Variants in AHNAK observed in about 807,000 individuals in gnomAD.
AHNAK encodes AHNAK nucleoprotein.
Under a neutral mutation model 37.8 loss-of-function variants are expected in AHNAK, and 23 were observed. That is an observed-to-expected ratio of 0.61 (90% CI 0.44 to 0.86). The LOEUF (loss-of-function observed/expected upper bound fraction) is 0.86, where lower values mean the gene tolerates loss of function less well. Ranked by LOEUF, AHNAK falls within the 40% of genes least tolerant of loss-of-function variation. AHNAK has a pLI of 0.00. For missense variants in AHNAK, 7,411 were observed against 7,319.4 expected, an observed-to-expected ratio of 1.01 and a Z score of -0.46; for synonymous variants, 2,481 against 2,636.3, an observed-to-expected ratio of 0.94 and a Z score of 1.80.
At chr11:62,538,279 T>A (rs1941016566) in intron 1 of AHNAK, among the ~76,000 whole-genome samples, 1 of 152,076 alleles carries the variant, frequency 6.6e-6, no homozygotes, top group African/African-American at 2.4e-5. Context: ...CCACAGTGAG[T>A]TCAGGCCTCC....
chr11:62,441,001 T>A (rs1938294727), intron 5 of AHNAK, among the ~76,000 whole-genome samples: 3 of 150,996 alleles, frequency 2.0e-5, no homozygotes, highest in Admixed American at 2.0e-4. Flanking sequence ...CCCGTCTGTA[T>A]AATTTTTTTT....
At chr11:62,462,280 G>T (rs1938808483) in intron 5 of AHNAK, among the ~76,000 whole-genome samples, 1 of 146,320 alleles carries the variant, frequency 6.8e-6, no homozygotes, top group Non-Finnish European at 1.5e-5. Context: ...TCAACTCTCT[G>T]GTCCTGCCTC....
Position 62,525,932 on chromosome 11 carries a change from G to C in AHNAK, c.8485C>G (p.His2829Asp). 1 of 1,613,768 alleles carries C rather than the reference G, an allele frequency of 6.2e-7. No individual in the cohort carries two copies. The highest frequency in any genetic ancestry group is 1.3e-5 in the African/African-American group (1 of 74,918). The stretch of plus-strand genomic sequence containing the variant: ...ATGGATATCTTTGGAGTCTTAAAAT[G>C]CATCTCTGGCATCTTAAACTTTGGA... ...KSPKFKMPEM[H>D]FKTPKISMPD... Residue 2829 changes from histidine to aspartate, a missense_variant, in exon 5 of 5, where the codon CAT (histidine) becomes GAT (aspartate). Physicochemically the swap from His to Asp is moderately conservative, Grantham distance 81. Coordinates refer to ENST00000378024, the MANE Select transcript of AHNAK (RefSeq NM_001620.3).
intron 5 of AHNAK, among the ~76,000 whole-genome samples, chr11:62,453,009 C>T (rs114794940): frequency 6.6e-6 from 1 of 152,054 alleles, no homozygotes; most frequent in African/African-American, 2.4e-5. Context: ...GGCAACAGAG[C>T]GAGACTCTGT....
In AHNAK at chr11:62,525,705, C is replaced by A. The variant is rs546417070; in HGVS notation, c.8712G>T (p.Met2904Ile). 15 of 1,613,730 alleles carry A rather than the reference C, an allele frequency of 9.3e-6. No individual in the cohort carries two copies. In the South Asian group the frequency reaches 1.6e-4, roughly 18 times the overall value. The part of the protein sequence containing the change: ...MPKMKMPKFS[M>I]PGFKAEGPEV... Reference sequence around the variant, plus strand: ...CAGGGCCCTCTGCTTTGAAGCCAGGCATGCTGAACTTGGGCATTTTCATCT... The same window carrying A: ...CAGGGCCCTCTGCTTTGAAGCCAGGAATGCTGAACTTGGGCATTTTCATCT... The change falls in exon 5 of 5, where the codon ATG becomes ATT. Residue 2904 changes from methionine (M) to isoleucine (I), a missense_variant. Transcript: ENST00000378024.
rs1038546142 is a variant in AHNAK at position 62,525,996 on chromosome 11, G to A, written c.8421C>T (p.Pro2807=). The change falls in exon 5 of 5, where the codon CCC becomes CCT. Residue 2807 remains proline, a synonymous_variant. Transcript: ENST00000378024. Reference sequence around the variant, plus strand: ...CTTCAGGTCCTTCGATATTCACATCGGGACATTCAACATCCACTTTCGGTC... The same window carrying A: ...CTTCAGGTCCTTCGATATTCACATCAGGACATTCAACATCCACTTTCGGTC... ...VSGPKVDVEC[P]DVNIEGPEGK... 29 of 1,612,204 alleles carry A rather than the reference G, an allele frequency of 1.8e-5. No homozygotes were observed. In the East Asian group the frequency reaches 4.0e-4, roughly 22 times the overall value.
At chr11:62,536,371 A>C in intron 2 of AHNAK, 98 bp downstream of exon 2, 1 of 364,586 alleles carries the variant, frequency 2.7e-6, no homozygotes, top group Non-Finnish European at 5.0e-6. Context: ...CTGGCCCTTC[A>C]TCCCTGTCCC....
intron 4 of AHNAK, 35 bp downstream of exon 4, chr11:62,534,968 A>C: frequency 6.3e-7 from 1 of 1,585,026 alleles, no homozygotes; most frequent in Non-Finnish European, 8.6e-7. Context: ...TGGCCGGGGG[A>C]GCTCAGGGCA....
chr11:62,534,813 C>T (rs887584287), intron 4 of AHNAK, among the ~76,000 whole-genome samples, 190 bp downstream of exon 4: 2 of 152,152 alleles, frequency 1.3e-5, no homozygotes, highest in Admixed American at 1.3e-4. Flanking sequence ...TTAGAGGGAG[C>T]ACAGCCACAT....
At position 62,529,217 on chromosome 11, in the gene AHNAK, C is replaced by T. The variant is rs1388040159; in HGVS notation, c.5200G>A (p.Val1734Met). 3.1e-6 allele frequency: 5 copies of T among 1,614,226 alleles called. No individual in the cohort carries two copies. The highest frequency in any genetic ancestry group is 1.1e-5 in the South Asian group (1 of 91,088). ...TCAATGTCAGCCTTTGGCAGATTCA[C>T]ATCCACTTCAGGGCCCTCTGCTTTG... Reference protein sequence around the residue: ...GFKAEGPEVDVNLPKADIDVS... With the variant: ...GFKAEGPEVDMNLPKADIDVS... The change falls in exon 5 of 5, where the codon GTG (valine) becomes ATG (methionine). Residue 1734 changes from valine to methionine, a missense_variant. Val to Met is a conservative substitution (Grantham distance 21). Coordinates refer to ENST00000378024, the MANE Select transcript of AHNAK (RefSeq NM_001620.3).
At position 62,518,015 on chromosome 11, in the gene AHNAK, T is replaced by C. The variant is rs1199756477; in HGVS notation, c.16402A>G (p.Thr5468Ala). The C allele has an allele frequency of 1.9e-6, 3 of 1,614,102 alleles. No homozygotes were observed. The highest frequency in any genetic ancestry group is 2.5e-6 in the Non-Finnish European group (3 of 1,180,052). ...GPKVKGSLGATGEIKGPTVGG... is the reference protein window; with the variant it reads ...GPKVKGSLGAAGEIKGPTVGG... Reference sequence around the variant, plus strand: ...ACAGTGGGGCCTTTGATCTCACCAGTGGCCCCAAGGCTCCCTTTCACTTTT... The same window carrying C: ...ACAGTGGGGCCTTTGATCTCACCAGCGGCCCCAAGGCTCCCTTTCACTTTT... The change falls in exon 5 of 5, where the codon ACT (threonine) becomes GCT (alanine). Residue 5468 changes from threonine to alanine, a missense_variant. By Grantham distance (58) the Thr-to-Ala change is moderately conservative. Coordinates refer to ENST00000378024, the MANE Select transcript of AHNAK (RefSeq NM_001620.3).
chr11:62,536,057 G>A lies in AHNAK; in HGVS notation c.42C>T (p.Asn14=), dbSNP rs1325323639. 3 of 1,607,412 alleles carry A rather than the reference G, an allele frequency of 1.9e-6. No homozygotes were observed. Among genetic ancestry groups the A allele is most frequent in the African/African-American group, 2.7e-5 (2 of 74,502 alleles). ...EETTRELLLP[N]WQGSGSHGLT... ...GCCCGTGGGAGCCACTACCCTGCCA[G>A]TTGGGCAGCAGCAGCTCCCGGGTTG... The change falls in exon 3 of 5, where the codon AAC becomes AAT. Residue 14 remains asparagine, a synonymous_variant. Coordinates refer to ENST00000378024, the MANE Select transcript of AHNAK (RefSeq NM_001620.3).
At chr11:62,435,708 C>G (rs554386594) in intron 5 of AHNAK, among the ~76,000 whole-genome samples, 1 of 152,088 alleles carries the variant, frequency 6.6e-6, no homozygotes, top group Non-Finnish European at 1.5e-5. Flanking sequence ...CCACCGCACC[C>G]GGCCTATTTA....
chr11:62,441,880 C>G (rs1282871786), intron 5 of AHNAK, among the ~76,000 whole-genome samples: 3 of 152,186 alleles, frequency 2.0e-5, no homozygotes, highest in Admixed American at 2.0e-4. Context: ...GAAGCAGCCA[C>G]TGTCGTCCTC....
intron 4 of AHNAK, among the ~76,000 whole-genome samples, chr11:62,508,796 C>T (rs1769222452): frequency 6.6e-6 from 1 of 152,210 alleles, no homozygotes; most frequent in African/African-American, 2.4e-5. Flanking sequence ...AATTCTTTGT[C>T]CTCGTGAGGA....
In AHNAK at chr11:62,528,794, C is replaced by T. The variant is rs1347687751; in HGVS notation, c.5623G>A (p.Val1875Met). ...TCTCCCTCCAATTTTGGCACCGACACATCCGCATCCCCTTTGACTTTGGGG... is the reference window on the plus strand; with the variant it reads ...TCTCCCTCCAATTTTGGCACCGACATATCCGCATCCCCTTTGACTTTGGGG... ...KGPKVKGDADVSVPKLEGDLT... is the reference protein window; with the variant it reads ...KGPKVKGDADMSVPKLEGDLT... The change falls in exon 5 of 5, where the codon GTG (valine) becomes ATG (methionine). Residue 1875 changes from valine to methionine, a missense_variant. Physicochemically the swap from Val to Met is conservative, Grantham distance 21. Transcript: ENST00000378024. 5.6e-6 allele frequency: 9 copies of T among 1,612,726 alleles called. No individual in the cohort carries two copies. The highest frequency in any genetic ancestry group is 1.7e-5 in the Admixed American group (1 of 59,728).
Position 62,520,865 on chromosome 11 carries a change from G to T in AHNAK, c.13552C>A (p.Gln4518Lys), listed in dbSNP as rs368078230. 6 of 1,613,960 alleles carry T rather than the reference G, an allele frequency of 3.7e-6. No homozygotes were observed. The highest frequency in any genetic ancestry group is 5.1e-6 in the Non-Finnish European group (6 of 1,180,024). The part of the protein sequence containing the change: ...KMPDVHFKSP[Q>K]ISMSDIDLNL... Reference sequence around the variant, plus strand: ...AAATCAATGTCACTCATGGAGATTTGTGGGCTTTTGAAATGTACATCAGGC... The same window carrying T: ...AAATCAATGTCACTCATGGAGATTTTTGGGCTTTTGAAATGTACATCAGGC... The change falls in exon 5 of 5, where the codon CAA becomes AAA. Residue 4518 changes from glutamine to lysine, a missense_variant. Gln to Lys is a moderately conservative substitution (Grantham distance 53, BLOSUM62 1). Coordinates refer to ENST00000378024, the MANE Select transcript of AHNAK (RefSeq NM_001620.3).
chr11:62,523,322 C>A lies in AHNAK; in HGVS notation c.11095G>T (p.Asp3699Tyr). 1 of 1,613,262 alleles carries A rather than the reference C, an allele frequency of 6.2e-7. No individual in the cohort carries two copies. The highest frequency in any genetic ancestry group is 8.5e-7 in the Non-Finnish European group (1 of 1,179,738). Residue 3699 changes from aspartate (D) to tyrosine (Y), a missense_variant, in exon 5 of 5, where the codon GAT (aspartate) becomes TAT (tyrosine). Transcript: ENST00000378024. ...VVVSLPKVEG[D>Y]LKGPEVDIKG... ...ATGTCCACCTCAGGGCCTTTTAGAT[C>A]ACCTTCCACTTTGGGCAAAGACACA...
At chr11:62,485,391 A>G (rs1048516139) in intron 5 of AHNAK, among the ~76,000 whole-genome samples, 14 of 151,954 alleles carry the variant, frequency 9.2e-5, no homozygotes, top group African/African-American at 3.4e-4. Flanking sequence ...GACCCTGTCA[A>G]AAACAAAACA....
Sources: gnomAD v4.1 joint callset for allele counts (sites outside exome capture counted in the v4.1 genomes callset) on GRCh38, gnomAD v4.1.1 for gene constraint, MANE v1.5 for transcripts, NCBI Gene and HGNC (gene_info 2026-07-23, HGNC 2026-07-21) for gene names.